Variants in RADIL observed in about 807,000 individuals in gnomAD.
RADIL encodes the protein Rap associating with DIL domain.
A neutral mutation model predicts 97.6 loss-of-function variants in RADIL; 99 were observed. The ratio of observed to expected loss-of-function variants is 1.01; its 90% confidence interval spans 0.86 to 1.20. The LOEUF is 1.20. Ranked by LOEUF, RADIL falls within the 50% of genes most tolerant of loss-of-function variation. The pLI is 0.00. For missense variants in RADIL, 1,765 were observed against 1,498.9 expected, an observed-to-expected ratio of 1.18 and a Z score of -2.93; for synonymous variants, 803 against 691.8, an observed-to-expected ratio of 1.16 and a Z score of -2.52.
intron 5 of RADIL, among the ~76,000 whole-genome samples, chr7:4,830,312 T>A (rs1583289353): frequency 6.6e-6 from 1 of 152,042 alleles, no homozygotes; most frequent in Admixed American, 6.6e-5. Context: ...CACCAGCAGG[T>A]GTCTCTCTAG....
chr7:4,848,272 T>A lies in RADIL; in HGVS notation c.536-11667A>T, dbSNP rs79477263. ...TGTGATGATGATGATCACACAACTT[T>A]GTAAATTTACTAAAAATTCATTCAA... On this transcript the variant is annotated intron_variant, in intron 2 of 14. Transcript: ENST00000399583. Among the ~76,000 whole-genome samples the A allele has an allele frequency of 3.3e-3, 503 of 152,014 alleles. 23 individuals carry two copies. In the East Asian group the frequency reaches 0.077, roughly 23 times the overall value.
rs558309535 is a variant in RADIL, at chr7:4,814,747, C to G, written c.2139+531G>C. On this transcript the variant is annotated intron_variant, in intron 9 of 14. Transcript: ENST00000399583. The surrounding 1 kb of genome is among the most constrained non-coding windows in gnomAD (Gnocchi z 4.5). ...CAAGATGAAGCCCCCGGGGGAGGAT[C>G]TGTCTCCCTGCTCTTCCGGTTGCTG... 5.2e-4 allele frequency among the ~76,000 whole-genome samples: 79 copies of G among 152,368 alleles called. No homozygotes were observed. Among genetic ancestry groups the G allele is most frequent in the Admixed American group, 2.4e-3 (37 of 15,296 alleles).
chr7:4,808,580 C>G, intron 9 of RADIL: 3 of 977,152 alleles, frequency 3.1e-6, no homozygotes, highest in Non-Finnish European at 3.6e-6. Flanking sequence ...GGCCGCAAAG[C>G]CCGAAGTCCT....
intron 2 of RADIL, among the ~76,000 whole-genome samples, chr7:4,866,622 C>T (rs1784136973): frequency 6.6e-6 from 1 of 152,180 alleles, no homozygotes; most frequent in Admixed American, 6.5e-5. Flanking sequence ...TACAGAGTTT[C>T]TATGGCTGCA....
rs140641888 is a variant in RADIL at position 4,800,360 on chromosome 7, G to A, written c.2843-50C>T. 2,691 of 1,410,184 alleles carry A rather than the reference G, an allele frequency of 1.9e-3. 5 individuals are homozygous for A. Among genetic ancestry groups the A allele is most frequent in the Non-Finnish European group, 2.2e-3 (2,377 of 1,081,936 alleles). 87.4% of individuals were successfully genotyped at this position (1,410,184 alleles called of 1,614,324 possible). A position where few individuals can be genotyped will look rare whatever the true frequency, so the allele number is the denominator to read the frequency against. On this transcript the variant is annotated intron_variant, in intron 12 of 14. Transcript: ENST00000399583. ...GTGGGAGTGAGGCGCCAGGAATCAC[G>A]ACGAGGAATGGGATGTCCTGGCCTG... is the stretch of plus-strand genomic sequence containing the variant.
intron 12 of RADIL, 151 bp from the exon 13 acceptor site, chr7:4,800,461 C>A (rs1419123331): frequency 2.3e-6 from 2 of 887,018 alleles, no homozygotes; most frequent in Non-Finnish European, 3.2e-6. Flanking sequence ...AGAATGTGAC[C>A]GGCAACCCAG....
At position 4,824,543 on chromosome 7, in the gene RADIL, G is replaced by A. The variant is rs1422542010; in HGVS notation, c.1455-1989C>T. ...CCAGGCTGCGTCCCAGATTCTCCCC[G>A]GTACCCAAAGTGTTGCCTGCTCTCT... On this transcript the variant is annotated intron_variant, in intron 5 of 14. Transcript: ENST00000399583. This position sits in a 1 kb window ranked among gnomAD's most constrained non-coding sequence, Gnocchi z 6.7. 2.6e-5 allele frequency among the ~76,000 whole-genome samples: 4 copies of A among 151,938 alleles called. No homozygotes were observed. Among genetic ancestry groups the A allele is most frequent in the East Asian group, 1.9e-4 (1 of 5,188 alleles).
At chr7:4,830,323 G>A (rs1172731679) in intron 5 of RADIL, among the ~76,000 whole-genome samples, 2 of 152,152 alleles carry the variant, frequency 1.3e-5, no homozygotes, top group Non-Finnish European at 2.9e-5. Context: ...GTCTCTCTAG[G>A]GCCCACTCGA....
At chr7:4,809,743 C>G in intron 9 of RADIL, 8 of 626,902 alleles carry the variant, frequency 1.3e-5, no homozygotes, top group Non-Finnish European at 1.6e-5. Flanking sequence ...AGTGCAGTGG[C>G]GTGATCTCGG....
At chr7:4,839,267 T>C (rs1783384062) in intron 2 of RADIL, among the ~76,000 whole-genome samples, 1 of 152,258 alleles carries the variant, frequency 6.6e-6, no homozygotes, top group Non-Finnish European at 1.5e-5. Flanking sequence ...AGTAGGTTGT[T>C]TAATTTCCAT....
intron 5 of RADIL, among the ~76,000 whole-genome samples, chr7:4,828,060 C>G (rs1021887279): frequency 7.9e-5 from 12 of 152,148 alleles, no homozygotes; most frequent in Admixed American, 6.5e-4. Context: ...TGGCCATTAT[C>G]AAAACAATGA....
At position 4,862,088 on chromosome 7, in the gene RADIL, A is replaced by T. The variant is rs1784027779; in HGVS notation, c.535+15517T>A. 7 of 361,928 alleles carry T rather than the reference A, an allele frequency of 1.9e-5. 1 individual carries two copies. The East Asian group carries it at 2.9e-4, about 15-fold the overall frequency. The allele number at this position is 361,928 out of a possible 1,614,324, so 22.4% of individuals were successfully genotyped here. A position where few individuals can be genotyped will look rare whatever the true frequency, so the allele number is the denominator to read the frequency against. On this transcript the variant is annotated intron_variant, in intron 2 of 14. Coordinates refer to ENST00000399583, the MANE Select transcript of RADIL (RefSeq NM_018059.5). Reference sequence around the variant, plus strand: ...GCCAGCGCGAGGGCTCACGGGAGCCACAGCGTTCTGGGCTGGGGCTCCTAC... The same window carrying T: ...GCCAGCGCGAGGGCTCACGGGAGCCTCAGCGTTCTGGGCTGGGGCTCCTAC...
At position 4,799,118 on chromosome 7, in the gene RADIL, A is replaced by C. The variant is rs1377683044; in HGVS notation, c.*260T>G. 1.2e-5 allele frequency: 6 copies of C among 484,410 alleles called. No individual in the cohort carries two copies. Among genetic ancestry groups the C allele is most frequent in the African/African-American group, 2.0e-5 (1 of 51,048 alleles). 30.0% of individuals were successfully genotyped at this position (484,410 alleles called of 1,614,324 possible). ...CAGGGCACCCTCTAAGAACGGGAAA[A>C]ATAGTTTATTGAACCGTACTTCTCC... On this transcript the variant is annotated 3_prime_UTR_variant, in exon 15 of 15. Transcript: ENST00000399583.
chr7:4,861,525 C>T lies in RADIL; in HGVS notation c.535+16080G>A, dbSNP rs775933291. On this transcript the variant is annotated intron_variant, in intron 2 of 14. Coordinates refer to ENST00000399583, the MANE Select transcript of RADIL (RefSeq NM_018059.5). ...TAAGAGCCAAACGTAAAAATCTTTC[C>T]TCCAACGTTTTCAATTACAGACTGG... 1.9e-6 allele frequency: 3 copies of T among 1,613,950 alleles called. No homozygotes were observed. The East Asian group carries it at 6.7e-5, about 36-fold the overall frequency.
rs938975818 is a variant in RADIL, at chr7:4,883,006, T to C, written c.-65+590A>G. The stretch of plus-strand genomic sequence containing the variant: ...CAGGAGCTCGGCTCAGCATCTGTTA[T>C]CTTGGATGCAGTATTTGTCGAGGGG... On this transcript the variant is annotated intron_variant, in intron 1 of 14. Transcript: ENST00000399583. This position sits in a 1 kb window ranked among gnomAD's most constrained non-coding sequence, Gnocchi z 7.1. 2.6e-5 allele frequency among the ~76,000 whole-genome samples: 4 copies of C among 152,134 alleles called. No homozygotes were observed. The highest frequency in any genetic ancestry group is 2.6e-4 in the Admixed American group (4 of 15,278).
chr7:4,810,168 T>C (rs892038050), intron 9 of RADIL, among the ~76,000 whole-genome samples: 2 of 149,600 alleles, frequency 1.3e-5, no homozygotes, highest in African/African-American at 4.9e-5. Flanking sequence ...TATTTTCTTT[T>C]ATTATTTAAT....
rs57614587 is a variant in RADIL, at chr7:4,809,360, T to C, written c.2140-3644A>G. The stretch of plus-strand genomic sequence containing the variant: ...TCCTGTTTTCAACGTTCTAGAAATA[T>C]CCCCGCCCGGCTGAGCGGGGGGAGG... On this transcript the variant is annotated intron_variant, in intron 9 of 14. Coordinates refer to ENST00000399583, the MANE Select transcript of RADIL (RefSeq NM_018059.5). 1,570 of 984,846 alleles carry C rather than the reference T, an allele frequency of 1.6e-3. 22 individuals carry two copies. The African/African-American group carries it at 0.026, about 16-fold the overall frequency. The allele number at this position is 984,846 out of a possible 1,614,324, so 61.0% of individuals were successfully genotyped here. A position where few individuals can be genotyped will look rare whatever the true frequency, so the allele number is the denominator to read the frequency against.
rs187402217 is a variant in RADIL at position 4,797,437 on chromosome 7, T to A, written c.*1941A>T. On this transcript the variant is annotated 3_prime_UTR_variant, in exon 15 of 15. Coordinates refer to ENST00000399583, the MANE Select transcript of RADIL (RefSeq NM_018059.5). The stretch of plus-strand genomic sequence containing the variant: ...GGAGAATATTGCAGGGAAGAAGAGA[T>A]AAGCCCCCTTCTCTTTGTGGGAGGA... The A allele has an allele frequency of 6.6e-6, 1 of 152,324 alleles. No homozygotes were observed. The highest frequency in any genetic ancestry group is 1.9e-4 in the East Asian group (1 of 5,186). The allele number at this position is 152,324 out of a possible 1,614,324, so 9.4% of individuals were successfully genotyped here.
Position 4,878,763 on chromosome 7 carries a change from C to T in RADIL, c.-64-560G>A, listed in dbSNP as rs950289435. Reference sequence around the variant, plus strand: ...GCTTGGATTTCTGGAAAGTGCTGGGCGCAGCGCCCGTGTGCAGTGAGCATC... The same window carrying T: ...GCTTGGATTTCTGGAAAGTGCTGGGTGCAGCGCCCGTGTGCAGTGAGCATC... On this transcript the variant is annotated intron_variant, in intron 1 of 14. Coordinates refer to ENST00000399583, the MANE Select transcript of RADIL (RefSeq NM_018059.5). The surrounding 1 kb of genome is among the most constrained non-coding windows in gnomAD (Gnocchi z 4.1). 2.0e-5 allele frequency among the ~76,000 whole-genome samples: 3 copies of T among 152,212 alleles called. No individual in the cohort carries two copies. The highest frequency in any genetic ancestry group is 4.4e-5 in the Non-Finnish European group (3 of 68,040).
Sources: allele counts gnomAD v4.1 joint callset (sites outside exome capture counted in the v4.1 genomes callset), GRCh38; gene constraint gnomAD v4.1.1; non-coding constraint Gnocchi (gnomAD v3.1); transcripts MANE v1.5; gene names NCBI Gene and HGNC (gene_info 2026-07-23, HGNC 2026-07-21).